Variants in SECISBP2 observed in about 807,000 individuals in gnomAD.
SECISBP2 encodes selenocysteine insertion sequence-binding protein 2.
Under a neutral mutation model 98.2 loss-of-function variants are expected in SECISBP2, and 96 were observed. The ratio of observed to expected loss-of-function variants is 0.98; its 90% confidence interval spans 0.83 to 1.16. The LOEUF (loss-of-function observed/expected upper bound fraction) is 1.16, where lower values mean the gene tolerates loss of function less well. Among genes scored for constraint, SECISBP2 ranks in the 50% most tolerant of loss-of-function variants. The probability of loss-of-function intolerance (pLI) is 0.00; values close to 1 mark genes in which losing one functional copy is unlikely to be tolerated. For missense variants in SECISBP2, 1,046 were observed against 1,022.9 expected (o/e 1.02, Z -0.31); for synonymous variants, 407 against 370.2 (o/e 1.10, Z -1.14).
intron 14 of SECISBP2, chr9:89,354,837 G>C (rs1251122223): frequency 6.4e-5 from 63 of 985,220 alleles, no homozygotes; most frequent in Non-Finnish European, 7.4e-5. Flanking sequence ...TCCAGTGAGA[G>C]AGATGCATCT....
intron 10 of SECISBP2, among the ~76,000 whole-genome samples, chr9:89,341,874 A>G (rs1587947875): frequency 6.6e-6 from 1 of 152,228 alleles, no homozygotes; most frequent in African/African-American, 2.4e-5. Context: ...GTAAATCTTC[A>G]TGATCTTTTA....
chr9:89,351,178 A>C (rs1831229059), intron 14 of SECISBP2, among the ~76,000 whole-genome samples: 1 of 152,164 alleles, frequency 6.6e-6, no homozygotes, highest in African/African-American at 2.4e-5. Context: ...CTTGCACCAC[A>C]GAGATGCTGT....
chr9:89,338,335 A>T, intron 7 of SECISBP2, 123 bp from the exon 8 acceptor site: 1 of 1,165,716 alleles, frequency 8.6e-7, no homozygotes, highest in Non-Finnish European at 1.2e-6. Flanking sequence ...TGAGGAACCT[A>T]ATTCTGAATA....
In SECISBP2 at chr9:89,325,930, C is replaced by CAGCAA; in HGVS notation, c.468_472dup (p.Lys158SerfsTer17). On this transcript the variant is annotated frameshift_variant, in exon 4 of 17. Coordinates refer to ENST00000375807, the MANE Select transcript of SECISBP2 (RefSeq NM_024077.5). LOFTEE classifies it high-confidence loss of function. ...CTATGATGAGAAAAAAACGTATGAT[C>CAGCAA]AGCAAAAGTTTGACAGTGAAAGGGC... The CAGCAA allele has an allele frequency of 6.2e-7, 1 of 1,613,958 alleles. No homozygotes were observed. The highest frequency in any genetic ancestry group is 1.1e-5 in the South Asian group (1 of 91,080).
chr9:89,326,134 A>ATACTACTCCAAGAAATGGACTAC, intron 4 of SECISBP2, 96 bp downstream of exon 4: 1 of 1,447,832 alleles, frequency 6.9e-7, no homozygotes, highest in Non-Finnish European at 9.6e-7. Context: ...GGGCTTGTTC[A>ATACTACTCCAAGAAATGGACTAC]TTGTGACTAC....
chr9:89,357,650 G>A, intron 15 of SECISBP2, 85 bp downstream of exon 15: 1 of 1,543,958 alleles, frequency 6.5e-7, no homozygotes, highest in African/African-American at 1.4e-5. Flanking sequence ...CACCCACAGA[G>A]CAGCCCCAGA....
Position 89,350,816 on chromosome 9 carries a change from A to G in SECISBP2, c.2077A>G (p.Ile693Val), listed in dbSNP as rs1479188962. 6.2e-7 allele frequency: 1 copy of G among 1,614,228 alleles called. No homozygotes were observed. Among genetic ancestry groups the G allele is most frequent in the Non-Finnish European group, 8.5e-7 (1 of 1,180,036 alleles). ...HLKLKKLKCV[I>V]ISPNCEKIQS... ...GAAGCTCAAAAAACTGAAATGTGTC[A>G]TTATTTCTCCCAACTGTGAGAAGAT... is the stretch of plus-strand genomic sequence containing the variant. Residue 693 changes from isoleucine to valine, a missense_variant, in exon 14 of 17, where the codon ATT becomes GTT. Physicochemically the swap from Ile to Val is conservative, Grantham distance 29. Coordinates refer to ENST00000375807, the MANE Select transcript of SECISBP2 (RefSeq NM_024077.5).
In SECISBP2 at chr9:89,358,151, T is replaced by A; in HGVS notation, c.2421T>A (p.Asp807Glu). Residue 807 changes from aspartate to glutamate, a missense_variant, in exon 16 of 17, where the codon GAT (aspartate) becomes GAA (glutamate). Physicochemically the swap from Asp to Glu is conservative, Grantham distance 45 (BLOSUM62 2). Transcript: ENST00000375807. Reference sequence around the variant, plus strand: ...AGGGCCCCAGCTGCCCTGCAGAAGATGGCCCCCCAGCCCTGAAAGAAAAAG... The same window carrying A: ...AGGGCCCCAGCTGCCCTGCAGAAGAAGGCCCCCCAGCCCTGAAAGAAAAAG... ...PTQGPSCPAE[D>E]GPPALKEKEE... is the part of the protein sequence containing the mutation. The A allele has an allele frequency of 6.2e-7, 1 of 1,613,690 alleles. No homozygotes were observed. The highest frequency in any genetic ancestry group is 8.5e-7 in the Non-Finnish European group (1 of 1,179,874).
At chr9:89,327,621 G>A in intron 4 of SECISBP2, among the ~76,000 whole-genome samples, 1 of 151,892 alleles carries the variant, frequency 6.6e-6, no homozygotes, top group East Asian at 1.9e-4. Flanking sequence ...ATTAGCCTAG[G>A]CCTGTACAGG....
At chr9:89,333,392 A>G (rs1371011451) in intron 6 of SECISBP2, among the ~76,000 whole-genome samples, 2 of 152,246 alleles carry the variant, frequency 1.3e-5, no homozygotes, top group Non-Finnish European at 1.5e-5. Context: ...AAAAATAACA[A>G]TAAATTAAGC....
intron 4 of SECISBP2, 34 bp downstream of exon 4, chr9:89,326,072 C>T: frequency 6.2e-7 from 1 of 1,604,280 alleles, no homozygotes; most frequent in Non-Finnish European, 8.5e-7. Context: ...ATAATGCGAG[C>T]CTACTCCTTG....
intron 1 of SECISBP2, chr9:89,319,112 A>G: frequency 1.1e-6 from 1 of 927,144 alleles, no homozygotes. Flanking sequence ...AAGAAATCTT[A>G]GTGAATTGAA....
At chr9:89,326,971 G>C (rs964444602) in intron 4 of SECISBP2, among the ~76,000 whole-genome samples, 4 of 152,124 alleles carry the variant, frequency 2.6e-5, no homozygotes, top group Non-Finnish European at 5.9e-5. Flanking sequence ...GATCATCCTG[G>C]CTAACACGGT....
Position 89,348,170 on chromosome 9 carries a change from A to G in SECISBP2, c.1694A>G (p.Glu565Gly). ...AFTSDDTQDGESGGDDQFPEQ... is the reference protein window; with the variant it reads ...AFTSDDTQDGGSGGDDQFPEQ... ...ACCAGTGATGACACACAAGATGGAG[A>G]GAGTGGTGGTGATGACCAGTTTCCC... Residue 565 changes from glutamate to glycine, a missense_variant, in exon 12 of 17, where the codon GAG becomes GGG. Physicochemically the swap from Glu to Gly is moderately conservative, Grantham distance 98. Coordinates refer to ENST00000375807, the MANE Select transcript of SECISBP2 (RefSeq NM_024077.5). 6.2e-7 allele frequency: 1 copy of G among 1,614,152 alleles called. No individual in the cohort carries two copies. Among genetic ancestry groups the G allele is most frequent in the Non-Finnish European group, 8.5e-7 (1 of 1,179,992 alleles).
At chr9:89,353,024 A>G (rs761752859) in intron 14 of SECISBP2, among the ~76,000 whole-genome samples, 1 of 152,052 alleles carries the variant, frequency 6.6e-6, no homozygotes, top group Non-Finnish European at 1.5e-5. Context: ...CGCCTACTTA[A>G]GAGCCACTAA....
chr9:89,341,461 A>C lies in SECISBP2; in HGVS notation c.1417A>C (p.Lys473Gln), dbSNP rs1435427070. 2 of 1,614,196 alleles carry C rather than the reference A, an allele frequency of 1.2e-6. No individual in the cohort carries two copies. The highest frequency in any genetic ancestry group is 1.3e-5 in the African/African-American group (1 of 75,070). Reference sequence around the variant, plus strand: ...CTCTCAGCATGCAAAGCAGTCCTCCAAACCAGTGGTAGTCTCAGGTAAGAG... The same window carrying C: ...CTCTCAGCATGCAAAGCAGTCCTCCCAACCAGTGGTAGTCTCAGGTAAGAG... ...QHSQHAKQSS[K>Q]PVVVSVGAVP... Residue 473 changes from lysine to glutamine, a missense_variant, in exon 10 of 17, where the codon AAA (lysine) becomes CAA (glutamine). Physicochemically the swap from Lys to Gln is moderately conservative, Grantham distance 53. Transcript: ENST00000375807.
intron 14 of SECISBP2, among the ~76,000 whole-genome samples, chr9:89,353,138 G>A (rs1021673934): frequency 6.6e-6 from 1 of 152,176 alleles, no homozygotes; most frequent in African/African-American, 2.4e-5. Flanking sequence ...TCACCCAGAG[G>A]GCTGGGGAAA....
rs1188876112 is a variant in SECISBP2, at chr9:89,348,122, A to C, written c.1646A>C (p.Glu549Ala). ...CAAGAGAGAAAGCAGCGTCTCCAAG[A>C]AAATGCTGTGAGTCCAGCTTTTACC... The part of the protein sequence containing the change: ...ERQERKQRLQ[E>A]NAVSPAFTSD... Residue 549 changes from glutamate (E) to alanine (A), a missense_variant, in exon 12 of 17, where the codon GAA becomes GCA. Physicochemically the swap from Glu to Ala is moderately radical, Grantham distance 107 (BLOSUM62 -1). Transcript: ENST00000375807. The C allele has an allele frequency of 6.2e-7, 1 of 1,613,874 alleles. No homozygotes were observed. The highest frequency in any genetic ancestry group is 1.3e-5 in the African/African-American group (1 of 74,946).
chr9:89,339,857 T>C lies in SECISBP2; in HGVS notation c.1213-7T>C, dbSNP rs1281195931. 6.2e-7 allele frequency: 1 copy of C among 1,608,736 alleles called. No individual in the cohort carries two copies. Among genetic ancestry groups the C allele is most frequent in the Non-Finnish European group, 8.5e-7 (1 of 1,175,430 alleles). ...AAAAGAGCTAAAGGGGTGTGTGGTTTACTTAGGATGCCGAGGAATTTCCCA... is the reference window on the plus strand; with the variant it reads ...AAAAGAGCTAAAGGGGTGTGTGGTTCACTTAGGATGCCGAGGAATTTCCCA... On this transcript the variant is annotated splice_region_variant and splice_polypyrimidine_tract_variant and intron_variant, in intron 8 of 16. Transcript: ENST00000375807.
Sources: allele counts gnomAD v4.1 joint callset (sites outside exome capture counted in the v4.1 genomes callset), GRCh38; gene constraint gnomAD v4.1.1; transcripts MANE v1.5; gene names NCBI Gene and HGNC (gene_info 2026-07-23, HGNC 2026-07-21).